Variants in GALNT1 observed in about 807,000 individuals in gnomAD.
GALNT1 encodes polypeptide N-acetylgalactosaminyltransferase 1, also known as GalNAc transferase 1.
GALNT1 carries 17 observed loss-of-function variants against 65.7 expected under a neutral mutation model. That is an observed-to-expected ratio of 0.26 (90% CI 0.18 to 0.39). GALNT1 has a LOEUF of 0.39. GALNT1 is among the 10% of genes least tolerant of loss of function. GALNT1 has a pLI of 1.00. For missense variants in GALNT1, 460 were observed against 672.8 expected, an observed-to-expected ratio of 0.68 and a Z score of 3.50; for synonymous variants, 210 against 219.7, an observed-to-expected ratio of 0.96 and a Z score of 0.39.
chr18:35,589,905 C>G (rs1485359465), intron 1 of GALNT1, among the ~76,000 whole-genome samples: 2 of 152,178 alleles, frequency 1.3e-5, no homozygotes, highest in Non-Finnish European at 2.9e-5. Context: ...GTAGATGTAA[C>G]ATTTATCTGT....
chr18:35,637,264 C>T (rs775008826), intron 1 of GALNT1, among the ~76,000 whole-genome samples: 3 of 152,130 alleles, frequency 2.0e-5, no homozygotes, highest in Non-Finnish European at 2.9e-5. Context: ...GAAAAGATAA[C>T]GCTTAGTGAG....
chr18:35,581,068 G>A (rs1477941879), upstream of GALNT1: 1 of 152,076 alleles, frequency 6.6e-6, no homozygotes, highest in Non-Finnish European at 1.5e-5. Context: ...GGCTCAGCGC[G>A]GCTGACAGCG....
intron 4 of GALNT1, among the ~76,000 whole-genome samples, chr18:35,680,411 TGTC>T: frequency 6.6e-6 from 1 of 152,312 alleles, no homozygotes; most frequent in Admixed American, 6.5e-5. Context: ...TTGAATTACT[TGTC>T]TGTTTAATAG....
At position 35,710,230 on chromosome 18, in the gene GALNT1, G is replaced by A. The variant is rs117428013; in HGVS notation, c.*460G>A. The A allele has an allele frequency of 1.4e-3, 213 of 153,134 alleles. 1 individual carries two copies. Among genetic ancestry groups the A allele is most frequent in the Middle Eastern group, 3.4e-3 (1 of 294 alleles). The allele number at this position is 153,134 out of a possible 1,614,324, so 9.5% of individuals were successfully genotyped here. ...TATTGATATAAAAATAAAAGAACTG[G>A]AACCAGATTCAGAATCATGAAAACA... is the stretch of plus-strand genomic sequence containing the variant. On this transcript the variant is annotated 3_prime_UTR_variant, in exon 12 of 12. Transcript: ENST00000269195.
At chr18:35,601,489 TG>T (rs1416531845) in intron 1 of GALNT1, among the ~76,000 whole-genome samples, 5 of 152,174 alleles carry the variant, frequency 3.3e-5, no homozygotes, top group Non-Finnish European at 7.4e-5. Flanking sequence ...TTGGAATTTT[TG>T]TTCTTGTTTT....
At chr18:35,659,199 GTC>G (rs2047441444) in intron 2 of GALNT1, among the ~76,000 whole-genome samples, 1 of 152,176 alleles carries the variant, frequency 6.6e-6, no homozygotes, top group Non-Finnish European at 1.5e-5. Flanking sequence ...AAATTTTACT[GTC>G]TCTGCTGTGA....
intron 1 of GALNT1, among the ~76,000 whole-genome samples, chr18:35,593,065 G>A (rs1449370277): frequency 6.6e-6 from 1 of 152,166 alleles, no homozygotes; most frequent in Non-Finnish European, 1.5e-5. Context: ...GAGGCTGTGG[G>A]CAGGGTTCCA....
chr18:35,637,215 A>C (rs1006329003), intron 1 of GALNT1, among the ~76,000 whole-genome samples: 6 of 152,210 alleles, frequency 3.9e-5, no homozygotes, highest in Non-Finnish European at 7.3e-5. Context: ...TAAGCATTCA[A>C]GTGAAAGGAA....
chr18:35,625,921 C>G (rs969937398), intron 1 of GALNT1, among the ~76,000 whole-genome samples: 1 of 152,174 alleles, frequency 6.6e-6, no homozygotes, highest in African/African-American at 2.4e-5. Context: ...GCTTTTCAGA[C>G]TCTTTAGCAT....
intron 1 of GALNT1, among the ~76,000 whole-genome samples, chr18:35,638,195 T>C (rs906651854): frequency 2.6e-5 from 4 of 152,128 alleles, no homozygotes; most frequent in African/African-American, 9.7e-5. Flanking sequence ...ATTTAAGAAA[T>C]ACATTTCATA....
chr18:35,635,772 T>G (rs2047080725), intron 1 of GALNT1, among the ~76,000 whole-genome samples: 1 of 152,198 alleles, frequency 6.6e-6, no homozygotes, highest in Admixed American at 6.5e-5. Flanking sequence ...TTCTTTTCTT[T>G]TAGGGTGACT....
At chr18:35,704,622 T>G (rs1307223118) in intron 11 of GALNT1, among the ~76,000 whole-genome samples, 3 of 148,524 alleles carry the variant, frequency 2.0e-5, no homozygotes, top group African/African-American at 7.5e-5. Context: ...ATTTTCTAAT[T>G]TATTTTTTTT....
chr18:35,616,001 A>T (rs141347861), intron 1 of GALNT1, among the ~76,000 whole-genome samples: 2 of 152,196 alleles, frequency 1.3e-5, no homozygotes, highest in Admixed American at 1.3e-4. Context: ...TAAACCATAT[A>T]TAAATGAATG....
At chr18:35,582,903 A>G (rs1381173245) in intron 1 of GALNT1, among the ~76,000 whole-genome samples, 1 of 152,348 alleles carries the variant, frequency 6.6e-6, no homozygotes, top group Non-Finnish European at 1.5e-5. Flanking sequence ...ACATGTGACT[A>G]TTAAAATTAA....
intron 1 of GALNT1, among the ~76,000 whole-genome samples, chr18:35,587,217 C>CTGAA (rs1270288996): frequency 2.0e-5 from 3 of 152,212 alleles, no homozygotes; most frequent in African/African-American, 7.2e-5. Flanking sequence ...CACAATCTTG[C>CTGAA]TGAACCTACT....
At chr18:35,635,961 C>T (rs970383192) in intron 1 of GALNT1, among the ~76,000 whole-genome samples, 1 of 151,938 alleles carries the variant, frequency 6.6e-6, no homozygotes, top group Non-Finnish European at 1.5e-5. Context: ...ACAGAATTTG[C>T]AGAATTGTGG....
At chr18:35,598,991 GTTT>G (rs377086201) in intron 1 of GALNT1, among the ~76,000 whole-genome samples, 1,349 of 114,994 alleles carry the variant, frequency 0.012, 23 homozygotes, top group African/African-American at 0.038. Flanking sequence ...GTATCCAGGC[GTTT>G]TTTTTTTTTT....
At chr18:35,589,726 ATACATC>A (rs2046421319) in intron 1 of GALNT1, among the ~76,000 whole-genome samples, 1 of 152,188 alleles carries the variant, frequency 6.6e-6, no homozygotes, top group Admixed American at 6.5e-5. Flanking sequence ...AATAGGGAAA[ATACATC>A]TGCTTCATCT....
At chr18:35,606,821 T>TTTTGTG (rs1882882613) in intron 1 of GALNT1, among the ~76,000 whole-genome samples, 1 of 135,592 alleles carries the variant, frequency 7.4e-6, no homozygotes, top group Non-Finnish European at 1.6e-5. Flanking sequence ...TGTTGATGTT[T>TTTTGTG]TGTGTGTGTG....
Sources: gnomAD v4.1 joint callset for allele counts (sites outside exome capture counted in the v4.1 genomes callset) on GRCh38, gnomAD v4.1.1 for gene constraint, MANE v1.5 for transcripts, NCBI Gene and HGNC (gene_info 2026-07-23, HGNC 2026-07-21) for gene names.